The following HERC6 variants were observed in gnomAD, a reference collection of about 807,000 sequenced individuals.
HERC6 encodes the protein HECT and RLD domain containing E3 ubiquitin protein ligase family member 6.
A neutral mutation model predicts 114.5 loss-of-function variants in HERC6; 101 were observed. That is an observed-to-expected ratio of 0.88 (90% CI 0.75 to 1.04). The LOEUF (loss-of-function observed/expected upper bound fraction) is 1.04, where lower values mean the gene tolerates loss of function less well. HERC6 is among the 50% of genes least tolerant of loss of function. The pLI is 0.00. For synonymous variants in HERC6, 408 were observed against 436.2 expected (o/e 0.94, Z 0.81); for missense variants, 1,133 against 1,230.9 (o/e 0.92, Z 1.19).
Position 88,438,494 on chromosome 4 carries a change from T to G in HERC6, c.2555+713T>G, listed in dbSNP as rs1048222661. 2.0e-5 allele frequency among the ~76,000 whole-genome samples: 3 copies of G among 152,182 alleles called. No homozygotes were observed. The South Asian group carries it at 6.2e-4, about 32-fold the overall frequency. On this transcript the variant is annotated intron_variant, in intron 20 of 22. Coordinates refer to ENST00000264346, the MANE Select transcript of HERC6 (RefSeq NM_017912.4). The stretch of plus-strand genomic sequence containing the variant: ...CCTGAGCTCAGGCAGTCCTCACACC[T>G]CAGCCTCCCAAAGTACTGGGATTAC...
intron 10 of HERC6, among the ~76,000 whole-genome samples, chr4:88,406,724 G>T (rs1735828614): frequency 6.6e-6 from 1 of 152,002 alleles, no homozygotes; most frequent in Non-Finnish European, 1.5e-5. Context: ...AGTTAATCTA[G>T]CAAGGAGAAA....
At chr4:88,390,996 C>A in intron 4 of HERC6, 117 bp downstream of exon 4, 1 of 776,296 alleles carries the variant, frequency 1.3e-6, no homozygotes, top group Non-Finnish European at 2.0e-6. Flanking sequence ...GTGACACATT[C>A]GAATAGCCTA....
chr4:88,424,118 T>C, intron 14 of HERC6, 145 bp downstream of exon 14: 1 of 551,466 alleles, frequency 1.8e-6, no homozygotes, highest in Non-Finnish European at 3.2e-6. Flanking sequence ...TGATGATCAC[T>C]GAAAACTTAA....
chr4:88,383,947 G>C (rs954674405), intron 2 of HERC6, among the ~76,000 whole-genome samples: 2 of 151,984 alleles, frequency 1.3e-5, no homozygotes, highest in Non-Finnish European at 2.9e-5. Context: ...GAATATAACT[G>C]TGGGGGCCAA....
intron 8 of HERC6, among the ~76,000 whole-genome samples, chr4:88,402,359 G>C (rs1477500275): frequency 6.6e-6 from 1 of 152,208 alleles, no homozygotes; most frequent in Non-Finnish European, 1.5e-5. Context: ...AACTAGGGGA[G>C]AGCATGGTGT....
chr4:88,393,543 T>C lies in HERC6; in HGVS notation c.720T>C (p.Tyr240=). The C allele has an allele frequency of 6.2e-7, 1 of 1,613,010 alleles. No homozygotes were observed. The highest frequency in any genetic ancestry group is 8.5e-7 in the Non-Finnish European group (1 of 1,179,272). The change falls in exon 5 of 23, where the codon TAT becomes TAC. Residue 240 remains tyrosine, a synonymous_variant. Coordinates refer to ENST00000264346, the MANE Select transcript of HERC6 (RefSeq NM_017912.4). ...CACTGAAGAATCTAGGTGTGGTTTATATCAGCTGTGGTGATGCACACACTG... is the reference window on the plus strand; with the variant it reads ...CACTGAAGAATCTAGGTGTGGTTTACATCAGCTGTGGTGATGCACACACTG... The part of the protein sequence containing the change: ...VGALKNLGVV[Y]ISCGDAHTAV...
At chr4:88,419,098 A>G (rs1340628642) in intron 13 of HERC6, among the ~76,000 whole-genome samples, 1 of 152,200 alleles carries the variant, frequency 6.6e-6, no homozygotes, top group Admixed American at 6.5e-5. Context: ...GAAAGGAAGA[A>G]AAGTTCACCG....
intron 11 of HERC6, among the ~76,000 whole-genome samples, chr4:88,411,131 T>C (rs1259442816): frequency 6.6e-6 from 1 of 152,168 alleles, no homozygotes; most frequent in Non-Finnish European, 1.5e-5. Context: ...AGATACAATA[T>C]TTTCATTTTC....
chr4:88,439,923 A>G lies in HERC6; in HGVS notation c.2605A>G (p.Lys869Glu). Residue 869 changes from lysine to glutamate, a missense_variant, in exon 21 of 23, where the codon AAA becomes GAA. By Grantham distance (56) the Lys-to-Glu change is moderately conservative (BLOSUM62 1). Around this residue, in one of 3 missense-constraint regions of HERC6, gnomAD observed 388 missense variants for 445.9 expected, o/e 0.87. Transcript: ENST00000264346. Reference sequence around the variant, plus strand: ...TGATTACATTTTCAACGTCTCTGTAAAAGCAGTTTATGAGGAATTTCAGAG... The same window carrying G: ...TGATTACATTTTCAACGTCTCTGTAGAAGCAGTTTATGAGGAATTTCAGAG... ...YIDYIFNVSV[K>E]AVYEEFQRGF... is the part of the protein sequence containing the mutation. The G allele has an allele frequency of 6.2e-6, 10 of 1,603,884 alleles. No individual in the cohort carries two copies. Among genetic ancestry groups the G allele is most frequent in the Non-Finnish European group, 8.5e-6 (10 of 1,175,438 alleles).
chr4:88,383,438 C>T, intron 2 of HERC6, 58 bp downstream of exon 2: 1 of 1,339,120 alleles, frequency 7.5e-7, no homozygotes, highest in South Asian at 1.7e-5. Context: ...ATGTGCCAGG[C>T]ACTGTGCAAG....
At chr4:88,436,021 G>A (rs1738699286) in intron 18 of HERC6, 130 bp downstream of exon 18, 2 of 618,112 alleles carry the variant, frequency 3.2e-6, no homozygotes, top group African/African-American at 1.9e-5. Context: ...AGAGGAATTT[G>A]AATTTTAGCA....
At position 88,383,205 on chromosome 4, in the gene HERC6, G is replaced by A. The variant is rs983173998; in HGVS notation, c.200-16G>A. On this transcript the variant is annotated splice_polypyrimidine_tract_variant and intron_variant, in intron 1 of 22. Coordinates refer to ENST00000264346, the MANE Select transcript of HERC6 (RefSeq NM_017912.4). ...TGCAGTGGTGGTTGGGGGGTGTTTT[G>A]TTTTGTTTCCCAAAGAACCAATTCA... is the stretch of plus-strand genomic sequence containing the variant. The A allele has an allele frequency of 3.1e-6, 5 of 1,606,820 alleles. No individual in the cohort carries two copies. In the African/African-American group the frequency reaches 5.4e-5, roughly 17 times the overall value.
At chr4:88,393,845 C>A (rs917679670) in intron 5 of HERC6, among the ~76,000 whole-genome samples, 1 of 152,154 alleles carries the variant, frequency 6.6e-6, no homozygotes, top group Admixed American at 6.5e-5. Context: ...TTCACTGTGT[C>A]CTCACATAGT....
Position 88,393,556 on chromosome 4 carries a change from G to A in HERC6, c.733G>A (p.Asp245Asn). The A allele has an allele frequency of 6.2e-7, 1 of 1,611,958 alleles. No homozygotes were observed. The highest frequency in any genetic ancestry group is 1.1e-5 in the South Asian group (1 of 90,742). The change falls in exon 5 of 23, where the codon GAT becomes AAT. Residue 245 changes from aspartate to asparagine, a missense_variant. By Grantham distance (23) the Asp-to-Asn change is conservative. Around this residue, in one of 3 missense-constraint regions of HERC6, gnomAD observed 735 missense variants for 754.0 expected, o/e 0.97. Transcript: ENST00000264346. ...NLGVVYISCG[D>N]AHTAVLTQDG... ...AGGTGTGGTTTATATCAGCTGTGGT[G>A]ATGCACACACTGCGGTGCTTACCCA...
Position 88,413,203 on chromosome 4 carries a change from A to G in HERC6, c.1495A>G (p.Asn499Asp). ...PVMHDSKNWKNLVVPFAKAVC... is the reference protein window; with the variant it reads ...PVMHDSKNWKDLVVPFAKAVC... ...GATGCATGATTCTAAGAACTGGAAG[A>G]ACCTGGTGGTTCCATTTGCAAAGGC... Residue 499 changes from asparagine (N) to aspartate (D), a missense_variant, in exon 12 of 23, where the codon AAC becomes GAC. This residue lies in a region of HERC6 where 735 missense variants were observed against 754.0 expected (regional missense o/e 0.97). Transcript: ENST00000264346. 2 of 1,613,394 alleles carry G rather than the reference A, an allele frequency of 1.2e-6. No individual in the cohort carries two copies. Among genetic ancestry groups the G allele is most frequent in the Non-Finnish European group, 1.7e-6 (2 of 1,179,620 alleles).
intron 11 of HERC6, among the ~76,000 whole-genome samples, chr4:88,409,430 G>T (rs532573960): frequency 1.8e-4 from 27 of 152,218 alleles, no homozygotes; most frequent in African/African-American, 6.5e-4. Flanking sequence ...CCGAAAGAGG[G>T]GGCTAGTGTT....
At chr4:88,391,848 G>A (rs1252686417) in intron 4 of HERC6, among the ~76,000 whole-genome samples, 1 of 152,138 alleles carries the variant, frequency 6.6e-6, no homozygotes, top group Non-Finnish European at 1.5e-5. Context: ...CACCTAACCT[G>A]TGCCAGTCCC....
At chr4:88,437,856 G>A (rs1247153794) in intron 20 of HERC6, 75 bp downstream of exon 20, 8 of 1,084,032 alleles carry the variant, frequency 7.4e-6, no homozygotes, top group Non-Finnish European at 8.2e-6. Flanking sequence ...CTTTTAAAAT[G>A]TATTTTTAAA....
rs932062745 is a variant in HERC6 at position 88,384,185 on chromosome 4, A to G, written c.359+805A>G. Among the ~76,000 whole-genome samples, 3 of 152,198 alleles carry G rather than the reference A, an allele frequency of 2.0e-5. No individual in the cohort carries two copies. The East Asian group carries it at 5.8e-4, about 29-fold the overall frequency. On this transcript the variant is annotated intron_variant, in intron 2 of 22. Transcript: ENST00000264346. ...ATCAAAAAGCCCAATAGAACCTTCT[A>G]TACTTTCCCACTGAAGTCCCAAAAC...
Sources: gnomAD v4.1 joint callset for allele counts (sites outside exome capture counted in the v4.1 genomes callset) on GRCh38, gnomAD v4.1.1 for gene constraint, gnomAD v4.1.1 regional missense constraint, MANE v1.5 for transcripts, NCBI Gene and HGNC (gene_info 2026-07-23, HGNC 2026-07-21) for gene names.